The following UVSSA variants were observed in gnomAD, a reference collection of about 807,000 sequenced individuals.
UVSSA encodes UV-stimulated scaffold protein A.
UVSSA carries 72 observed loss-of-function variants against 73.9 expected under a neutral mutation model. The ratio of observed to expected loss-of-function variants is 0.97; its 90% confidence interval spans 0.81 to 1.19. The LOEUF (loss-of-function observed/expected upper bound fraction) is 1.19, where lower values mean the gene tolerates loss of function less well. UVSSA is among the 50% of genes most tolerant of loss of function. The pLI is 0.00. For synonymous variants in UVSSA, 454 were observed against 391.3 expected (o/e 1.16, Z -1.89); for missense variants, 1,150 against 965.0 (o/e 1.19, Z -2.54).
At position 1,355,566 on chromosome 4, in the gene UVSSA, A is replaced by G. The variant is rs561334524; in HGVS notation, c.1176+321A>G. On this transcript the variant is annotated intron_variant, in intron 7 of 13. Coordinates refer to ENST00000389851, the MANE Select transcript of UVSSA (RefSeq NM_020894.4). ...CCCCCGTGACTCCTTCTAGGGAGTC[A>G]TCAGCAGTGCGGCACCTGTCCTGGC... Among the ~76,000 whole-genome samples, 13 of 152,322 alleles carry G rather than the reference A, an allele frequency of 8.5e-5. No homozygotes were observed. The East Asian group carries it at 1.5e-3, about 18-fold the overall frequency.
chr4:1,345,347 A>AGGCCCAGGCACGGT (rs138914105), upstream of UVSSA, among the ~76,000 whole-genome samples: 12 of 152,188 alleles, frequency 7.9e-5, no homozygotes, highest in East Asian at 5.8e-4. Context: ...GATGCAGGGC[A>AGGCCCAGGCACGGT]GGCCCAGGCA....
At chr4:1,361,562 C>T (rs1716631553) in intron 7 of UVSSA, among the ~76,000 whole-genome samples, 5 of 152,254 alleles carry the variant, frequency 3.3e-5, no homozygotes, top group Admixed American at 1.3e-4. Flanking sequence ...CGCCAGGTGC[C>T]CTTCCCGCAC....
chr4:1,381,938 C>G (rs1719553805), intron 12 of UVSSA, among the ~76,000 whole-genome samples: 1 of 152,228 alleles, frequency 6.6e-6, no homozygotes, highest in Non-Finnish European at 1.5e-5. Context: ...GCTGGGATTA[C>G]AGATGTGAGT....
chr4:1,379,268 G>T (rs1351639946), intron 10 of UVSSA, among the ~76,000 whole-genome samples: 1 of 152,232 alleles, frequency 6.6e-6, no homozygotes, highest in Non-Finnish European at 1.5e-5. Flanking sequence ...GTCCTAGAAG[G>T]AGGCCTGGTG....
Position 1,349,852 on chromosome 4 carries a change from AAGGT to A in UVSSA, c.429+3_429+6del. ...CTACCACTTCTTAAGACACAACAAA[AAGGT>A]AGGTGGGCCTGGCCCATTTTTTCAG... is the stretch of plus-strand genomic sequence containing the variant. On this transcript the variant is annotated splice_donor_variant and coding_sequence_variant, in exon 3 of 14. Transcript: ENST00000389851. LOFTEE classifies it high-confidence loss of function. 5 of 1,540,202 alleles carry A rather than the reference AAGGT, an allele frequency of 3.2e-6. No individual in the cohort carries two copies. Among genetic ancestry groups the A allele is most frequent in the Non-Finnish European group, 4.4e-6 (5 of 1,144,218 alleles).
At chr4:1,346,215 T>A (rs902731604), upstream of UVSSA, among the ~76,000 whole-genome samples, 2 of 152,226 alleles carry the variant, frequency 1.3e-5, no homozygotes, top group African/African-American at 4.8e-5. Flanking sequence ...AAAAACACGA[T>A]TAACAGAGTT....
Position 1,376,110 on chromosome 4 carries a change from T to G in UVSSA, c.1510T>G (p.Tyr504Asp). 1.2e-6 allele frequency: 2 copies of G among 1,607,732 alleles called. No individual in the cohort carries two copies. The highest frequency in any genetic ancestry group is 1.7e-6 in the Non-Finnish European group (2 of 1,177,656). Reference sequence around the variant, plus strand: ...GCGGGCCCGGGCGCCTGTGGTGCCCTACGGCGTGGACCTGCACTACTGGGG... The same window carrying G: ...GCGGGCCCGGGCGCCTGTGGTGCCCGACGGCGTGGACCTGCACTACTGGGG... The part of the protein sequence containing the change: ...AERARAPVVP[Y>D]GVDLHYWGQE... Residue 504 changes from tyrosine to aspartate, a missense_variant, in exon 10 of 14, where the codon TAC (tyrosine) becomes GAC (aspartate). Physicochemically the swap from Tyr to Asp is radical, Grantham distance 160. Coordinates refer to ENST00000389851, the MANE Select transcript of UVSSA (RefSeq NM_020894.4).
intron 7 of UVSSA, chr4:1,358,366 G>C (rs1319812027): frequency 6.6e-6 from 1 of 152,342 alleles, no homozygotes. Flanking sequence ...AGGCTGGATT[G>C]AGGATGTCAC....
At chr4:1,379,611 T>C (rs1719198296) in intron 10 of UVSSA, among the ~76,000 whole-genome samples, 1 of 152,114 alleles carries the variant, frequency 6.6e-6, no homozygotes. Context: ...TGTCCTTACG[T>C]CCCTGCAGTG....
chr4:1,352,418 A>AC (rs965996046), intron 4 of UVSSA, among the ~76,000 whole-genome samples: 2 of 152,230 alleles, frequency 1.3e-5, no homozygotes, highest in African/African-American at 4.8e-5. Context: ...AGGGCAGCTC[A>AC]CAAGGCAGGC....
chr4:1,371,008 T>G (rs1717961068), intron 8 of UVSSA, among the ~76,000 whole-genome samples: 1 of 152,190 alleles, frequency 6.6e-6, no homozygotes, highest in African/African-American at 2.4e-5. Flanking sequence ...TTCTCATGCC[T>G]CCTCATTCTC....
At chr4:1,370,419 G>A (rs575478282) in intron 8 of UVSSA, among the ~76,000 whole-genome samples, 33 of 152,358 alleles carry the variant, frequency 2.2e-4, no homozygotes, top group Non-Finnish European at 4.1e-4. Context: ...CCGGGTGCGC[G>A]CCTCGGGGCT....
rs530215129 is a variant in UVSSA, at chr4:1,374,590, G to T, written c.1289-774G>T. 1.1e-4 allele frequency among the ~76,000 whole-genome samples: 16 copies of T among 152,362 alleles called. 1 individual carries two copies. The East Asian group carries it at 3.1e-3, about 29-fold the overall frequency. On this transcript the variant is annotated intron_variant, in intron 8 of 13. Coordinates refer to ENST00000389851, the MANE Select transcript of UVSSA (RefSeq NM_020894.4). ...CTCTGTGGGACGTTGGTGAGACGCA[G>T]CGCCATGGCCTTGTCTTGCTGGCGG... is the stretch of plus-strand genomic sequence containing the variant.
chr4:1,354,903 T>TTTGGGGG (rs1553877116), intron 6 of UVSSA, 56 bp downstream of exon 6: 58 of 1,465,610 alleles, frequency 4.0e-5, no homozygotes, highest in Non-Finnish European at 4.6e-5. Context: ...GTGCCATGCA[T>TTTGGGGG]GGGGGGGGTC....
At chr4:1,379,920 T>C in intron 10 of UVSSA, 127 bp from the exon 11 acceptor site, 1 of 1,099,800 alleles carries the variant, frequency 9.1e-7, no homozygotes, top group Non-Finnish European at 1.3e-6. Flanking sequence ...TCTCCCTGGG[T>C]GCTGTCCACA....
chr4:1,377,480 G>A (rs189080851), intron 10 of UVSSA, among the ~76,000 whole-genome samples: 6 of 152,178 alleles, frequency 3.9e-5, no homozygotes, highest in South Asian at 4.1e-4. Flanking sequence ...CTCAGCGGCC[G>A]GAGAGGTCGG....
chr4:1,375,923 C>T (rs1479837185), intron 9 of UVSSA, 111 bp from the exon 10 acceptor site: 1 of 1,487,326 alleles, frequency 6.7e-7, no homozygotes, highest in Non-Finnish European at 9.0e-7. Context: ...AGCCATTGCT[C>T]ACCTGATCCG....
At chr4:1,342,274 A>G (rs1193804992), upstream of UVSSA, among the ~76,000 whole-genome samples, 1 of 152,192 alleles carries the variant, frequency 6.6e-6, no homozygotes, top group East Asian at 1.9e-4. Flanking sequence ...TGGTAGTGTC[A>G]GGTTAGTCAT....
At chr4:1,363,093 G>A (rs549338172) in intron 7 of UVSSA, among the ~76,000 whole-genome samples, 3 of 136,292 alleles carry the variant, frequency 2.2e-5, no homozygotes, top group Admixed American at 7.3e-5. Flanking sequence ...GCCCCTCAAT[G>A]CTGAGTTGCT....
Sources: allele counts gnomAD v4.1 joint callset (sites outside exome capture counted in the v4.1 genomes callset), GRCh38; gene constraint gnomAD v4.1.1; transcripts MANE v1.5; gene names NCBI Gene and HGNC (gene_info 2026-07-23, HGNC 2026-07-21).